Variants in REV3L observed in about 807,000 individuals in gnomAD.
REV3L encodes DNA polymerase zeta catalytic subunit.
Under a neutral mutation model 299.4 loss-of-function variants are expected in REV3L, and 69 were observed. That is an observed-to-expected ratio of 0.23 (90% CI 0.19 to 0.28). REV3L has a LOEUF of 0.28. Among genes scored for constraint, REV3L ranks in the 10% least tolerant of loss-of-function variants. The pLI, the probability that REV3L is intolerant of heterozygous loss-of-function variation, is 1.00. For synonymous variants in REV3L, 1,238 were observed against 1,271.4 expected, an observed-to-expected ratio of 0.97 and a Z score of 0.56; for missense variants, 3,128 against 3,693.8, an observed-to-expected ratio of 0.85 and a Z score of 3.97.
At chr6:111,344,072 AT>A in intron 20 of REV3L, 29 bp from the exon 21 acceptor site, 1 of 1,446,014 alleles carries the variant, frequency 6.9e-7, no homozygotes, top group Non-Finnish European at 9.5e-7. Context: ...CACCATTATA[AT>A]AATGCTTACA....
intron 4 of REV3L, among the ~76,000 whole-genome samples, chr6:111,398,974 C>T (rs1445090656): frequency 1.3e-5 from 2 of 152,074 alleles, no homozygotes; most frequent in African/African-American, 4.8e-5. Context: ...TTGCAACAAC[C>T]TAATAAATTT....
chr6:111,315,072 A>G (rs1167457285), intron 27 of REV3L, among the ~76,000 whole-genome samples, 195 bp downstream of exon 27: 1 of 151,752 alleles, frequency 6.6e-6, no homozygotes, highest in Non-Finnish European at 1.5e-5. Flanking sequence ...CTGATCTCAA[A>G]CTCCTGGTCT....
chr6:111,324,143 G>A (rs1177472069), intron 25 of REV3L, among the ~76,000 whole-genome samples: 1 of 152,152 alleles, frequency 6.6e-6, no homozygotes, highest in African/African-American at 2.4e-5. Flanking sequence ...GGGATTACAG[G>A]AGTGTGCCAC....
chr6:111,483,387 G>A (rs1009070150), upstream of REV3L: 4 of 462,668 alleles, frequency 8.6e-6, no homozygotes, highest in African/African-American at 8.3e-5. Flanking sequence ...CCGGGCACGC[G>A]GCGAGGGAGG....
chr6:111,396,359 T>TC (rs1198492308), intron 4 of REV3L, among the ~76,000 whole-genome samples: 1 of 151,668 alleles, frequency 6.6e-6, no homozygotes, highest in Non-Finnish European at 1.5e-5. Context: ...ATGGTGTATT[T>TC]TTTTTTTTTT....
intron 13 of REV3L, among the ~76,000 whole-genome samples, chr6:111,368,774 C>G (rs1376261613): frequency 6.6e-6 from 1 of 152,140 alleles, no homozygotes; most frequent in East Asian, 1.9e-4. Context: ...CTTACTACAG[C>G]AACATAAAAT....
chr6:111,349,007 A>AG (rs1777311958), intron 20 of REV3L: 2 of 310,410 alleles, frequency 6.4e-6, no homozygotes, highest in Non-Finnish European at 6.0e-6. Context: ...CTTAGACACA[A>AG]GAAAAAAAAA....
At chr6:111,479,532 C>T (rs1793364232) in intron 1 of REV3L, among the ~76,000 whole-genome samples, 2 of 119,212 alleles carry the variant, frequency 1.7e-5, no homozygotes, top group African/African-American at 5.8e-5. Context: ...TTTTTTAAGA[C>T]AGGCTCTTGC....
intron 29 of REV3L, chr6:111,310,472 C>T (rs140384244): frequency 5.9e-4 from 93 of 158,898 alleles, no homozygotes; most frequent in East Asian, 3.0e-3. Flanking sequence ...GGCAACATAG[C>T]GAGACCCCCA....
intron 1 of REV3L, among the ~76,000 whole-genome samples, chr6:111,455,495 C>G (rs1240291243): frequency 6.6e-6 from 1 of 151,980 alleles, no homozygotes; most frequent in African/African-American, 2.4e-5. Flanking sequence ...TTTATGTTGT[C>G]TAGAGTTTTA....
In REV3L at chr6:111,321,833, C is replaced by T. The variant is rs17540131; in HGVS notation, c.8351+736G>A. On this transcript the variant is annotated intron_variant, in intron 26 of 31. Coordinates refer to ENST00000368802, the MANE Select transcript of REV3L (RefSeq NM_001372078.1). ...TTAGCATGATCACACTGTGACTCTA[C>T]GTCCCCAATATGGAAAAAATTTCAC... Among the ~76,000 whole-genome samples the T allele has an allele frequency of 4.2e-3, 643 of 152,250 alleles. 6 individuals carry two copies. The highest frequency in any genetic ancestry group is 7.4e-3 in the Non-Finnish European group (502 of 68,016).
chr6:111,301,532 A>C (rs1051220742), intron 31 of REV3L, among the ~76,000 whole-genome samples: 4 of 152,102 alleles, frequency 2.6e-5, no homozygotes, highest in Non-Finnish European at 5.9e-5. Flanking sequence ...AAATAATGTG[A>C]ATTTGAAAGT....
intron 1 of REV3L, among the ~76,000 whole-genome samples, chr6:111,461,058 T>C (rs762279173): frequency 7.9e-5 from 12 of 152,164 alleles, no homozygotes; most frequent in Non-Finnish European, 8.8e-5. Flanking sequence ...ATTTATTATA[T>C]ACTTTATCAT....
chr6:111,457,842 A>C (rs889292616), intron 1 of REV3L, among the ~76,000 whole-genome samples: 5 of 151,920 alleles, frequency 3.3e-5, no homozygotes, highest in Non-Finnish European at 7.4e-5. Context: ...AAACCAGAGA[A>C]CCAAAAAACT....
chr6:111,323,408 T>C (rs1313481962), intron 25 of REV3L, among the ~76,000 whole-genome samples: 1 of 152,226 alleles, frequency 6.6e-6, no homozygotes, highest in East Asian at 1.9e-4. Flanking sequence ...TGATAATGTC[T>C]TTCAATATCA....
intron 1 of REV3L, among the ~76,000 whole-genome samples, chr6:111,422,613 CACATATATATATATATACACATAT>C (rs1785567655): frequency 1.4e-4 from 1 of 7,180 alleles, no homozygotes; most frequent in African/African-American, 4.6e-4. Flanking sequence ...TATATATATA[CACATATATATATATATACACATAT>C]ATATATATAT....
intron 27 of REV3L, 64 bp downstream of exon 27, chr6:111,315,198 GAACAA>G: frequency 8.0e-7 from 1 of 1,243,110 alleles, no homozygotes; most frequent in South Asian, 1.3e-5. Flanking sequence ...AAAATGTACT[GAACAA>G]ATCAGAGGTC....
intron 19 of REV3L, 119 bp from the exon 20 acceptor site, chr6:111,349,455 C>T: frequency 2.1e-6 from 1 of 478,696 alleles, no homozygotes; most frequent in Middle Eastern, 3.5e-4. Flanking sequence ...ATATAATTCA[C>T]AATGTATGAA....
chr6:111,397,182 A>G (rs1420882047), intron 4 of REV3L, among the ~76,000 whole-genome samples: 1 of 149,272 alleles, frequency 6.7e-6, no homozygotes, highest in African/African-American at 2.5e-5. Context: ...TTGCTTTTCT[A>G]GTTTCTTAAA....
Sources: gnomAD v4.1 joint callset for allele counts (sites outside exome capture counted in the v4.1 genomes callset) on GRCh38, gnomAD v4.1.1 for gene constraint, MANE v1.5 for transcripts, NCBI Gene and HGNC (gene_info 2026-07-23, HGNC 2026-07-21) for gene names.